EXOG: variants seen among roughly 807,000 people sequenced by gnomAD.
EXOG encodes nuclease EXOG, mitochondrial.
In EXOG, 27 loss-of-function variants were observed where a neutral mutation model predicts 25.8. The observed-to-expected ratio is 1.05, with a 90% CI of 0.77 to 1.45. EXOG has a LOEUF of 1.45. Among genes scored for constraint, EXOG ranks in the 40% most tolerant of loss-of-function variants. EXOG has a pLI of 0.00. For synonymous variants in EXOG, 133 were observed against 167.0 expected (o/e 0.80, Z 1.57); for missense variants, 458 against 450.5 (o/e 1.02, Z -0.15).
At chr3:38,502,500 C>A (rs555643202) in intron 3 of EXOG, among the ~76,000 whole-genome samples, 30 of 152,174 alleles carry the variant, frequency 2.0e-4, no homozygotes, top group African/African-American at 6.7e-4. Context: ...TATGTAAATT[C>A]TGCAACCATT....
At chr3:38,510,696 T>C (rs1464519483) in intron 5 of EXOG, among the ~76,000 whole-genome samples, 2 of 149,902 alleles carry the variant, frequency 1.3e-5, no homozygotes, top group Non-Finnish European at 1.5e-5. Context: ...AAATATTATA[T>C]AGATATTTAA....
Position 38,524,178 on chromosome 3 carries a change from C to G in EXOG, c.923C>G (p.Thr308Ser). ...AAGCTCCTGGATTTCCAGGAGTTCA[C>G]CTTGTACTTGAGTACAAGAAAGATT... ...TCKLLDFQEF[T>S]LYLSTRKIEG... Residue 308 changes from threonine to serine, a missense_variant, in exon 6 of 6, where the codon ACC becomes AGC. Physicochemically the swap from Thr to Ser is moderately conservative, Grantham distance 58. Transcript: ENST00000287675. 6.2e-7 allele frequency: 1 copy of G among 1,614,118 alleles called. No homozygotes were observed. The highest frequency in any genetic ancestry group is 1.3e-5 in the African/African-American group (1 of 75,040).
intron 1 of EXOG, 194 bp from the exon 2 acceptor site, chr3:38,497,435 C>A: frequency 7.4e-7 from 1 of 1,349,426 alleles, no homozygotes; most frequent in South Asian, 2.0e-5. Flanking sequence ...AGTACTTTGC[C>A]TACTGTCTGT....
At position 38,525,055 on chromosome 3, in the gene EXOG, T is replaced by C; in HGVS notation, c.*693T>C. 1.0e-6 allele frequency: 1 copy of C among 985,318 alleles called. No individual in the cohort carries two copies. Among genetic ancestry groups the C allele is most frequent in the South Asian group, 4.7e-5 (1 of 21,286 alleles). The allele number at this position is 985,318 out of a possible 1,614,324, so 61.0% of individuals were successfully genotyped here. ...TTCTCCTCTCATGAATCTGCTCGTTTCTCTACTTCTGTCTACGTAGAAGCA... is the reference window on the plus strand; with the variant it reads ...TTCTCCTCTCATGAATCTGCTCGTTCCTCTACTTCTGTCTACGTAGAAGCA... On this transcript the variant is annotated 3_prime_UTR_variant, in exon 6 of 6. Coordinates refer to ENST00000287675, the MANE Select transcript of EXOG (RefSeq NM_005107.4).
rs1425317398 is a variant in EXOG, at chr3:38,497,085, A to T, written c.164-544A>T. 4 of 1,001,558 alleles carry T rather than the reference A, an allele frequency of 4.0e-6. No homozygotes were observed. In the East Asian group the frequency reaches 4.4e-4, roughly 111 times the overall value. The allele number at this position is 1,001,558 out of a possible 1,614,324, so 62.0% of individuals were successfully genotyped here. On this transcript the variant is annotated intron_variant, in intron 1 of 5. Coordinates refer to ENST00000287675, the MANE Select transcript of EXOG (RefSeq NM_005107.4). ...GTACCTTATATTTGACAAAAAAAAA[A>T]AAAAAATTAACACGAGCTCATTTCT... is the stretch of plus-strand genomic sequence containing the variant.
At chr3:38,501,025 T>G (rs1271270644) in intron 2 of EXOG, 3 of 190,360 alleles carry the variant, frequency 1.6e-5, no homozygotes, top group African/African-American at 2.3e-5. Flanking sequence ...GTTTATTTAG[T>G]AGCCAAGCTT....
intron 5 of EXOG, chr3:38,513,902 G>T (rs759746492): frequency 6.6e-6 from 1 of 152,232 alleles, no homozygotes; most frequent in Non-Finnish European, 1.5e-5. Context: ...TATAAAGCAC[G>T]GTAGAGGATT....
intron 5 of EXOG, among the ~76,000 whole-genome samples, chr3:38,519,024 G>A (rs901569213): frequency 5.9e-5 from 9 of 152,198 alleles, no homozygotes; most frequent in African/African-American, 1.9e-4. Flanking sequence ...ATAAAAGATG[G>A]TGTGGATGGA....
chr3:38,498,993 A>G (rs2059972354), intron 2 of EXOG: 1 of 456,542 alleles, frequency 2.2e-6, no homozygotes. Context: ...ACCTATGGTG[A>G]GCATTACTGA....
chr3:38,517,645 C>A (rs1208318814), intron 5 of EXOG, among the ~76,000 whole-genome samples: 4 of 152,166 alleles, frequency 2.6e-5, no homozygotes, highest in African/African-American at 7.2e-5. Context: ...GATTCCATTG[C>A]CTTTAGTGGC....
chr3:38,508,424 T>C (rs2125772058), intron 5 of EXOG, among the ~76,000 whole-genome samples: 1 of 152,296 alleles, frequency 6.6e-6, no homozygotes, highest in East Asian at 1.9e-4. Context: ...TAACATTTAA[T>C]CTTATCATGC....
chr3:38,512,182 C>T (rs534948022), intron 5 of EXOG, among the ~76,000 whole-genome samples: 15 of 151,696 alleles, frequency 9.9e-5, no homozygotes, highest in African/African-American at 2.9e-4. Flanking sequence ...GCTTTTTTTT[C>T]GCTCATGGCA....
intron 5 of EXOG, among the ~76,000 whole-genome samples, chr3:38,513,410 T>C (rs6599207): frequency 0.5 from 75,605 of 152,042 alleles, 20,436 homozygotes; most frequent in African/African-American, 0.72. Context: ...TAAGTGTGTA[T>C]GTAGTATGTT....
intron 5 of EXOG, among the ~76,000 whole-genome samples, chr3:38,507,203 CAG>C (rs1354525236): frequency 1.3e-5 from 2 of 152,166 alleles, no homozygotes; most frequent in Admixed American, 6.5e-5. Context: ...GAGTGGAAAA[CAG>C]ATGTTAACAA....
chr3:38,506,805 T>TA, intron 4 of EXOG, 49 bp from the exon 5 acceptor site: 1 of 872,414 alleles, frequency 1.1e-6, no homozygotes, highest in South Asian at 1.5e-5. Context: ...GCTGCTGTCT[T>TA]ACATGTATAT....
chr3:38,523,017 G>A (rs1173627987), intron 5 of EXOG, among the ~76,000 whole-genome samples: 5 of 152,326 alleles, frequency 3.3e-5, no homozygotes, highest in Middle Eastern at 3.4e-3. Flanking sequence ...AGAGCAAACA[G>A]CATTTACATT....
chr3:38,496,453 C>T lies in EXOG; in HGVS notation c.86C>T (p.Ala29Val), dbSNP rs1183224498. Residue 29 changes from alanine (A) to valine (V), a missense_variant, in exon 1 of 6, where the codon GCG becomes GTG. Transcript: ENST00000287675. ...GFVAGAVVGA[A>V]GAGLAALQFF... ...GTGGCTGGGGCTGTAGTGGGCGCTG[C>T]GGGAGCTGGGCTCGCGGCCCTGCAG... The T allele has an allele frequency of 6.2e-7, 1 of 1,614,010 alleles. No homozygotes were observed. The highest frequency in any genetic ancestry group is 8.5e-7 in the Non-Finnish European group (1 of 1,179,956).
At chr3:38,523,212 G>A (rs1206634995) in intron 5 of EXOG, 1 of 1,289,488 alleles carries the variant, frequency 7.8e-7, no homozygotes, top group Non-Finnish European at 1.0e-6. Context: ...ACCTTTGAAT[G>A]TTTGGAGCAC....
chr3:38,525,589 C>T lies in EXOG; in HGVS notation c.*1227C>T. The stretch of plus-strand genomic sequence containing the variant: ...CAGTTCTTTTAGTGACCAGATACTG[C>T]CAAATTGATGTGTTCTTGCTTTCCA... On this transcript the variant is annotated 3_prime_UTR_variant, in exon 6 of 6. Coordinates refer to ENST00000287675, the MANE Select transcript of EXOG (RefSeq NM_005107.4). The T allele has an allele frequency of 1.0e-6, 1 of 985,214 alleles. No individual in the cohort carries two copies. The highest frequency in any genetic ancestry group is 1.2e-6 in the Non-Finnish European group (1 of 829,804). The allele number at this position is 985,214 out of a possible 1,614,324, so 61.0% of individuals were successfully genotyped here.
Sources: gnomAD v4.1 joint callset for allele counts (sites outside exome capture counted in the v4.1 genomes callset) on GRCh38, gnomAD v4.1.1 for gene constraint, MANE v1.5 for transcripts, NCBI Gene and HGNC (gene_info 2026-07-23, HGNC 2026-07-21) for gene names.